The following UPB1 variants were observed in gnomAD, a reference collection of about 807,000 sequenced individuals.
UPB1 encodes beta-ureidopropionase 1.
Under a neutral mutation model 49.1 loss-of-function variants are expected in UPB1, and 40 were observed. The ratio of observed to expected loss-of-function variants is 0.81; its 90% CI spans 0.63 to 1.06. The LOEUF is 1.06. Ranked by LOEUF, UPB1 falls within the 50% of genes least tolerant of loss-of-function variation. UPB1 has a pLI of 0.00. For synonymous variants in UPB1, 207 were observed against 198.2 expected, an observed-to-expected ratio of 1.04 and a Z score of -0.38; for missense variants, 499 against 505.9, an observed-to-expected ratio of 0.99 and a Z score of 0.13.
Position 24,495,454 on chromosome 22 carries a change from G to A in UPB1, c.51G>A (p.Leu17=), listed in dbSNP as rs1236200353. ...TGGAGGAATGCTTGGAGAAGCACCT[G>A]CCGCTCCCCGACTTGCAGGAAGTGA... is the stretch of plus-strand genomic sequence containing the variant. ...KSLEECLEKH[L]PLPDLQEVKR... Residue 17 remains leucine, a synonymous_variant, in exon 1 of 10, where the codon CTG becomes CTA. Coordinates refer to ENST00000326010, the MANE Select transcript of UPB1 (RefSeq NM_016327.3). 1 of 1,613,922 alleles carries A rather than the reference G, an allele frequency of 6.2e-7. No individual in the cohort carries two copies. The highest frequency in any genetic ancestry group is 1.3e-5 in the African/African-American group (1 of 74,946).
chr22:24,496,679 G>A (rs1568977054), intron 1 of UPB1, among the ~76,000 whole-genome samples: 1 of 152,088 alleles, frequency 6.6e-6, no homozygotes, highest in Non-Finnish European at 1.5e-5. Context: ...CCCTGGAGAT[G>A]GTCATTCCAG....
intron 3 of UPB1, among the ~76,000 whole-genome samples, chr22:24,507,030 C>G (rs1281809892): frequency 6.6e-6 from 1 of 152,128 alleles, no homozygotes; most frequent in African/African-American, 2.4e-5. Flanking sequence ...GCATGTGGAA[C>G]CTCGTCCCCT....
intron 6 of UPB1, among the ~76,000 whole-genome samples, chr22:24,519,514 C>T (rs77173254): frequency 0.05 from 7,681 of 152,194 alleles, 436 homozygotes; most frequent in African/African-American, 0.14. Flanking sequence ...TGTCTCCCAT[C>T]GCATTCTCCC....
intron 1 of UPB1, among the ~76,000 whole-genome samples, chr22:24,496,404 T>TACACACACACACACACATACAC (rs2043885566): frequency 7.9e-6 from 1 of 126,894 alleles, no homozygotes; most frequent in African/African-American, 2.8e-5. Context: ...CACACACACA[T>TACACACACACACACACATACAC]ACACACACAC....
At chr22:24,507,560 G>T (rs2044112728) in intron 3 of UPB1, among the ~76,000 whole-genome samples, 1 of 152,110 alleles carries the variant, frequency 6.6e-6, no homozygotes, top group South Asian at 2.1e-4. Flanking sequence ...ATACTTTTTA[G>T]GCAACTAGAA....
chr22:24,504,533 A>G (rs911359190), intron 3 of UPB1, among the ~76,000 whole-genome samples: 1 of 152,016 alleles, frequency 6.6e-6, no homozygotes, highest in African/African-American at 2.4e-5. Flanking sequence ...CATTGTGTAT[A>G]TCTATTTTAA....
At chr22:24,520,575 G>T (rs2044371989) in intron 7 of UPB1, 107 bp downstream of exon 7, 1 of 1,273,292 alleles carries the variant, frequency 7.9e-7, no homozygotes, top group African/African-American at 1.5e-5. Context: ...TCCGGAAAGG[G>T]GTAAAACTGG....
At chr22:24,521,895 T>A in intron 7 of UPB1, 91 bp from the exon 8 acceptor site, 2 of 1,383,708 alleles carry the variant, frequency 1.4e-6, no homozygotes, top group South Asian at 1.2e-5. Flanking sequence ...CCTCTCGGCC[T>A]GATTGCCCTG....
At chr22:24,520,750 C>T (rs540951073) in intron 7 of UPB1, among the ~76,000 whole-genome samples, 39 of 152,332 alleles carry the variant, frequency 2.6e-4, no homozygotes, top group Middle Eastern at 3.4e-3. Context: ...ACAGTTTTGA[C>T]TGCCAAACAG....
At chr22:24,521,765 G>A (rs1382721058) in intron 7 of UPB1, among the ~76,000 whole-genome samples, 2 of 152,138 alleles carry the variant, frequency 1.3e-5, no homozygotes, top group East Asian at 1.9e-4. Context: ...TTTTTACCCC[G>A]CTTGTCAAAT....
At chr22:24,511,934 A>G (rs924479182) in intron 4 of UPB1, among the ~76,000 whole-genome samples, 1 of 152,104 alleles carries the variant, frequency 6.6e-6, no homozygotes, top group Non-Finnish European at 1.5e-5. Flanking sequence ...TCTTAATAAA[A>G]CTGTTATCAG....
rs74715424 is a variant in UPB1, at chr22:24,518,641, G to A, written c.792-1746G>A. On this transcript the variant is annotated intron_variant, in intron 6 of 9. Coordinates refer to ENST00000326010, the MANE Select transcript of UPB1 (RefSeq NM_016327.3). Reference sequence around the variant, plus strand: ...TAGAGACAGACATACACATGTGCATGCACACACATGGGTCAGCAGGGTGTC... The same window carrying A: ...TAGAGACAGACATACACATGTGCATACACACACATGGGTCAGCAGGGTGTC... 2.7e-3 allele frequency among the ~76,000 whole-genome samples: 414 copies of A among 152,318 alleles called. 2 individuals are homozygous for A. The highest frequency in any genetic ancestry group is 9.4e-3 in the African/African-American group (392 of 41,576).
chr22:24,520,033 T>A (rs954803278), intron 6 of UPB1: 8 of 363,754 alleles, frequency 2.2e-5, no homozygotes, highest in Non-Finnish European at 5.3e-6. Context: ...AGTCTTCTTT[T>A]GAGGACATTT....
intron 2 of UPB1, 29 bp downstream of exon 2, chr22:24,500,307 C>T (rs1258660260): frequency 3.1e-6 from 5 of 1,612,860 alleles, no homozygotes; most frequent in Middle Eastern, 1.8e-4. Context: ...ATAATAAATA[C>T]ACAAACAGGG....
At chr22:24,496,195 A>G (rs2043871585) in intron 1 of UPB1, among the ~76,000 whole-genome samples, 1 of 151,894 alleles carries the variant, frequency 6.6e-6, no homozygotes, top group Non-Finnish European at 1.5e-5. Flanking sequence ...ATAGTGAGAC[A>G]CCCATCTCTA....
At chr22:24,502,835 G>C (rs992546191) in intron 3 of UPB1, 2 of 352,134 alleles carry the variant, frequency 5.7e-6, no homozygotes, top group Admixed American at 8.9e-5. Context: ...GCCTCCTCCT[G>C]GCCCTTCGAC....
At chr22:24,496,228 A>T (rs2043872788) in intron 1 of UPB1, among the ~76,000 whole-genome samples, 1 of 152,096 alleles carries the variant, frequency 6.6e-6, no homozygotes, top group South Asian at 2.1e-4. Context: ...AAAAATAGCC[A>T]AGCATGGTAG....
At chr22:24,515,114 G>A in intron 5 of UPB1, 87 bp from the exon 6 acceptor site, 1 of 1,542,334 alleles carries the variant, frequency 6.5e-7, no homozygotes, top group South Asian at 1.1e-5. Context: ...ACCACCTCTG[G>A]ACTATTGGTG....
chr22:24,524,695 GC>G (rs2044452276), intron 9 of UPB1, among the ~76,000 whole-genome samples: 1 of 152,102 alleles, frequency 6.6e-6, no homozygotes, highest in Non-Finnish European at 1.5e-5. Context: ...TCACTATGTT[GC>G]CCAGGCTGGT....
Sources: allele counts gnomAD v4.1 joint callset (sites outside exome capture counted in the v4.1 genomes callset), GRCh38; gene constraint gnomAD v4.1.1; transcripts MANE v1.5; gene names NCBI Gene and HGNC (gene_info 2026-07-23, HGNC 2026-07-21).